TRIM55: variants seen among roughly 807,000 people sequenced by gnomAD.
The protein encoded by TRIM55 is tripartite motif containing 55, also known as tripartite motif-containing protein 55.
TRIM55 carries 50 observed loss-of-function variants against 60.9 expected under a neutral mutation model. The ratio of observed to expected loss-of-function variants is 0.82; its 90% CI spans 0.65 to 1.04. The LOEUF (loss-of-function observed/expected upper bound fraction) is 1.04. Ranked by LOEUF, TRIM55 falls within the 50% of genes least tolerant of loss-of-function variation. The pLI is 0.00. For missense variants in TRIM55, 681 were observed against 666.9 expected, an observed-to-expected ratio of 1.02 and a Z score of -0.23; for synonymous variants, 237 against 238.1, an observed-to-expected ratio of 1.00 and a Z score of 0.04.
At chr8:66,127,679 A>T (rs993198164) in intron 1 of TRIM55, among the ~76,000 whole-genome samples, 3 of 152,066 alleles carry the variant, frequency 2.0e-5, no homozygotes, top group African/African-American at 7.2e-5. Context: ...ATACAAAAAA[A>T]AAAAAATTAG....
chr8:66,122,821 A>G (rs951408547), upstream of TRIM55, among the ~76,000 whole-genome samples: 2 of 152,220 alleles, frequency 1.3e-5, no homozygotes, highest in Admixed American at 6.5e-5. Flanking sequence ...CTTTGTAGCA[A>G]TAAGATACCA....
At chr8:66,157,370 G>A (rs897222115) in intron 9 of TRIM55, among the ~76,000 whole-genome samples, 6 of 152,170 alleles carry the variant, frequency 3.9e-5, no homozygotes, top group African/African-American at 1.4e-4. Context: ...ATGGGATATG[G>A]GCAGGTTGAT....
chr8:66,150,173 G>A (rs368967786), intron 5 of TRIM55, 44 bp from the exon 6 acceptor site: 56 of 1,600,780 alleles, frequency 3.5e-5, no homozygotes, highest in Non-Finnish European at 4.5e-5. Context: ...ACTGTCTTTT[G>A]TGGAAATAAT....
intron 2 of TRIM55, among the ~76,000 whole-genome samples, chr8:66,130,200 G>A (rs558854683): frequency 2.8e-4 from 43 of 152,210 alleles, no homozygotes; most frequent in Non-Finnish European, 5.4e-4. Context: ...AGTTGGCTTG[G>A]TGCAGCTGCC....
upstream of TRIM55, among the ~76,000 whole-genome samples, chr8:66,125,986 A>C (rs1808805119): frequency 6.6e-6 from 1 of 152,252 alleles, no homozygotes; most frequent in East Asian, 1.9e-4. Flanking sequence ...TTTAAATACA[A>C]TATGTATTGG....
chr8:66,114,869 T>G, the TRIM55 span: 2 of 311,402 alleles, frequency 6.4e-6, no homozygotes, highest in Non-Finnish European at 6.4e-6. Context: ...TGTGGAGAAT[T>G]AACTAGAGAC....
intron 8 of TRIM55, 27 bp from the exon 9 acceptor site, chr8:66,154,020 C>A (rs375632162): frequency 2.6e-6 from 4 of 1,526,752 alleles, no homozygotes; most frequent in Non-Finnish European, 3.5e-6. Flanking sequence ...TTTTTCTTTA[C>A]TTTTGAATTT....
upstream of TRIM55, among the ~76,000 whole-genome samples, chr8:66,124,233 C>G (rs1042421204): frequency 1.1e-4 from 17 of 152,220 alleles, no homozygotes; most frequent in African/African-American, 3.9e-4. Context: ...AGCCAGCCAC[C>G]TTCATGCTAA....
chr8:66,114,445 T>C, the TRIM55 span: 1 of 440,568 alleles, frequency 2.3e-6, no homozygotes, highest in South Asian at 1.6e-5. Flanking sequence ...ACCCATTTAA[T>C]TGGGGGGAAA....
chr8:66,116,047 G>A, the TRIM55 span, among the ~76,000 whole-genome samples: 964 of 152,248 alleles, frequency 6.3e-3, 14 homozygotes, highest in African/African-American at 0.021. Context: ...TAGTCTAAGG[G>A]TTTGTATATG....
At position 66,154,190 on chromosome 8, in the gene TRIM55, C is replaced by G; in HGVS notation, c.1380C>G (p.Thr460=). 6.2e-7 allele frequency: 1 copy of G among 1,614,012 alleles called. No individual in the cohort carries two copies. The highest frequency in any genetic ancestry group is 1.7e-5 in the Admixed American group (1 of 60,016). The stretch of plus-strand genomic sequence containing the variant: ...AAGCCACCACCAACCCACCTTGCAC[C>G]CCAGGGAGCGAAGGTCTGGGGCAAA... ...TRKATTNPPC[T]PGSEGLGQIG... The change falls in exon 9 of 10, where the codon ACC becomes ACG. Residue 460 remains threonine, a synonymous_variant. Transcript: ENST00000315962.
chr8:66,145,575 G>A (rs115600884), intron 4 of TRIM55, among the ~76,000 whole-genome samples: 1,923 of 152,180 alleles, frequency 0.013, 45 homozygotes, highest in African/African-American at 0.044. Flanking sequence ...GAATTTTGTT[G>A]AAAGAACTAG....
At chr8:66,144,270 C>A (rs979449437) in intron 4 of TRIM55, among the ~76,000 whole-genome samples, 6 of 152,216 alleles carry the variant, frequency 3.9e-5, no homozygotes, top group Admixed American at 3.3e-4. Flanking sequence ...CACCCATCAT[C>A]ATCTTACCAT....
chr8:66,152,223 GC>G (rs1361565476), intron 7 of TRIM55, 153 bp from the exon 8 acceptor site: 6 of 1,022,222 alleles, frequency 5.9e-6, no homozygotes, highest in Middle Eastern at 3.2e-4. Context: ...GAAGCACAAA[GC>G]CCTGGCACGG....
At chr8:66,146,868 C>A (rs1810122541) in intron 4 of TRIM55, among the ~76,000 whole-genome samples, 1 of 152,152 alleles carries the variant, frequency 6.6e-6, no homozygotes, top group African/African-American at 2.4e-5. Context: ...GCTGCATGGG[C>A]CCTTGTTCCA....
chr8:66,172,912 G>A (rs926675950), intron 9 of TRIM55, among the ~76,000 whole-genome samples: 10 of 152,118 alleles, frequency 6.6e-5, no homozygotes, highest in African/African-American at 1.7e-4. Flanking sequence ...TTGGGCTTTC[G>A]GGGTTTTTTG....
intron 2 of TRIM55, among the ~76,000 whole-genome samples, chr8:66,130,487 G>A (rs924403166): frequency 1.3e-5 from 2 of 148,194 alleles, no homozygotes; most frequent in Non-Finnish European, 3.0e-5. Context: ...GAGCCTCAGG[G>A]TACATTAGGT....
chr8:66,131,813 C>G (rs1440879335), intron 2 of TRIM55, among the ~76,000 whole-genome samples: 2 of 152,180 alleles, frequency 1.3e-5, no homozygotes, highest in Non-Finnish European at 2.9e-5. Flanking sequence ...TAAGATGCAA[C>G]TCAAGTAGGT....
chr8:66,136,359 A>G (rs1367343531), intron 3 of TRIM55, among the ~76,000 whole-genome samples: 1 of 152,232 alleles, frequency 6.6e-6, no homozygotes, highest in African/African-American at 2.4e-5. Flanking sequence ...AAAATATTTT[A>G]TAATCACTGT....
Sources: gnomAD v4.1 joint callset for allele counts (sites outside exome capture counted in the v4.1 genomes callset) on GRCh38, gnomAD v4.1.1 for gene constraint, MANE v1.5 for transcripts, NCBI Gene and HGNC (gene_info 2026-07-23, HGNC 2026-07-21) for gene names.